Variants in FHIT observed in about 807,000 individuals in gnomAD.
FHIT encodes the protein fragile histidine triad diadenosine triphosphatase.
In FHIT, 19 loss-of-function variants were observed where a neutral mutation model predicts 17.9. The observed-to-expected ratio is 1.06, with a 90% CI of 0.74 to 1.56. FHIT has a LOEUF of 1.56. Ranked by LOEUF, FHIT falls within the 40% of genes most tolerant of loss-of-function variation. The probability of loss-of-function intolerance (pLI) is 0.00; values close to 1 mark genes in which losing one functional copy is unlikely to be tolerated. For synonymous variants in FHIT, 81 were observed against 69.7 expected (o/e 1.16, Z -0.81); for missense variants, 248 against 189.2 (o/e 1.31, Z -1.82).
chr3:59,869,257 GCT>G (rs1326338072), intron 8 of FHIT, among the ~76,000 whole-genome samples: 2 of 152,096 alleles, frequency 1.3e-5, no homozygotes, highest in Admixed American at 1.3e-4. Context: ...AACTAGTTTA[GCT>G]CTTTCTACCA....
At chr3:60,190,398 A>G (rs177139) in intron 5 of FHIT, among the ~76,000 whole-genome samples, 117,062 of 151,826 alleles carry the variant, frequency 0.77, 45,280 homozygotes, top group East Asian at 0.95. Context: ...GGTGGAAAAG[A>G]ACAAAGGTGA....
chr3:60,743,982 TC>T (rs1481487400), intron 4 of FHIT, among the ~76,000 whole-genome samples: 1 of 152,054 alleles, frequency 6.6e-6, no homozygotes, highest in Non-Finnish European at 1.5e-5. Flanking sequence ...AACAATGACT[TC>T]CCCTGCAGTG....
At chr3:59,913,279 G>A (rs1265577140) in intron 8 of FHIT, among the ~76,000 whole-genome samples, 1 of 152,070 alleles carries the variant, frequency 6.6e-6, no homozygotes, top group Non-Finnish European at 1.5e-5. Context: ...AGTACTGGAA[G>A]TCCCAGTGTC....
intron 4 of FHIT, among the ~76,000 whole-genome samples, chr3:60,541,631 C>G (rs2036189436): frequency 6.6e-6 from 1 of 152,194 alleles, no homozygotes; most frequent in African/African-American, 2.4e-5. Context: ...AGTAATACTG[C>G]TATTAGTAAC....
intron 5 of FHIT, among the ~76,000 whole-genome samples, chr3:60,100,330 G>C (rs182623056): frequency 8.6e-4 from 131 of 152,164 alleles, no homozygotes; most frequent in Middle Eastern, 3.4e-3. Flanking sequence ...GTTGCACTGA[G>C]CTGAGATTGT....
chr3:60,152,995 G>A (rs964317972), intron 5 of FHIT, among the ~76,000 whole-genome samples: 17 of 152,076 alleles, frequency 1.1e-4, no homozygotes, highest in African/African-American at 3.6e-4. Flanking sequence ...GAAGAAATAA[G>A]GGCTGCTGCT....
At chr3:60,041,401 C>G (rs1701434471) in intron 5 of FHIT, among the ~76,000 whole-genome samples, 2 of 152,310 alleles carry the variant, frequency 1.3e-5, no homozygotes, top group Admixed American at 1.3e-4. Context: ...CAATAATTTA[C>G]ACTTCAGGAA....
intron 5 of FHIT, among the ~76,000 whole-genome samples, chr3:60,428,421 C>T (rs1702756470): frequency 6.6e-6 from 1 of 152,096 alleles, no homozygotes; most frequent in African/African-American, 2.4e-5. Context: ...CTTCCTATAT[C>T]CCTTTACTGA....
chr3:59,930,567 G>A (rs1705920089), intron 7 of FHIT, among the ~76,000 whole-genome samples: 1 of 152,062 alleles, frequency 6.6e-6, no homozygotes, highest in Non-Finnish European at 1.5e-5. Flanking sequence ...CAGAAAGGGC[G>A]GCAGGCTTCA....
intron 4 of FHIT, among the ~76,000 whole-genome samples, chr3:60,631,457 G>A (rs563888360): frequency 7.2e-5 from 11 of 152,262 alleles, no homozygotes; most frequent in South Asian, 2.1e-4. Context: ...GCAGAAATGC[G>A]GAGGGAGATG....
At chr3:60,486,059 C>T (rs898308668) in intron 5 of FHIT, among the ~76,000 whole-genome samples, 3 of 152,116 alleles carry the variant, frequency 2.0e-5, no homozygotes, top group Non-Finnish European at 2.9e-5. Flanking sequence ...CTTCTGCACA[C>T]CTGTTACAGA....
At chr3:60,096,952 AGG>A (rs1421053721) in intron 5 of FHIT, among the ~76,000 whole-genome samples, 30 of 150,376 alleles carry the variant, frequency 2.0e-4, no homozygotes, top group African/African-American at 6.8e-4. Flanking sequence ...AGACTGGGGC[AGG>A]AGGATTCCTT....
chr3:60,328,477 C>A (rs1709808921), intron 5 of FHIT, among the ~76,000 whole-genome samples: 1 of 152,264 alleles, frequency 6.6e-6, no homozygotes, highest in African/African-American at 2.4e-5. Context: ...TGCTCGGGAA[C>A]TGCCCTTTAT....
chr3:60,056,904 C>G (rs927227699), intron 5 of FHIT, among the ~76,000 whole-genome samples: 1 of 152,172 alleles, frequency 6.6e-6, no homozygotes, highest in Non-Finnish European at 1.5e-5. Context: ...CCTTTATTCA[C>G]AGAACAGATG....
At chr3:60,381,946 AC>A (rs1374604074) in intron 5 of FHIT, among the ~76,000 whole-genome samples, 1 of 148,850 alleles carries the variant, frequency 6.7e-6, no homozygotes, top group Non-Finnish European at 1.5e-5. Flanking sequence ...GGTGGTAACT[AC>A]AAGTAGGTAT....
intron 5 of FHIT, among the ~76,000 whole-genome samples, chr3:60,213,756 A>G (rs1251230350): frequency 1.3e-5 from 2 of 152,220 alleles, no homozygotes; most frequent in Admixed American, 6.5e-5. Flanking sequence ...TTGCAAATAC[A>G]TTCCTTCAAT....
chr3:60,557,879 G>C (rs953718293), intron 4 of FHIT, among the ~76,000 whole-genome samples: 11 of 152,092 alleles, frequency 7.2e-5, no homozygotes, highest in Non-Finnish European at 1.5e-4. Context: ...AAAGGCTTTT[G>C]CTTTTAAAAT....
intron 2 of FHIT, among the ~76,000 whole-genome samples, chr3:61,143,162 A>G (rs2037134323): frequency 6.6e-6 from 1 of 152,170 alleles, no homozygotes; most frequent in Admixed American, 6.5e-5. Flanking sequence ...TGATATCACC[A>G]TTTCATTTTA....
At chr3:61,047,302 T>A (rs1427707937) in intron 2 of FHIT, among the ~76,000 whole-genome samples, 1 of 152,160 alleles carries the variant, frequency 6.6e-6, no homozygotes, top group African/African-American at 2.4e-5. Flanking sequence ...ACAAAATCAA[T>A]GTGCAAAAAT....
Sources: gnomAD v4.1 joint callset for allele counts (sites outside exome capture counted in the v4.1 genomes callset) on GRCh38, gnomAD v4.1.1 for gene constraint, MANE v1.5 for transcripts, NCBI Gene and HGNC (gene_info 2026-07-23, HGNC 2026-07-21) for gene names.